IQGAP1: variants seen among roughly 807,000 people sequenced by gnomAD.
The protein encoded by IQGAP1 is IQ motif containing GTPase activating protein 1.
A neutral mutation model predicts 215.6 loss-of-function variants in IQGAP1; 66 were observed. The ratio of observed to expected loss-of-function variants is 0.31; its 90% CI spans 0.25 to 0.38. IQGAP1 has a LOEUF of 0.38. Among genes scored for constraint, IQGAP1 ranks in the 10% least tolerant of loss-of-function variants. The probability of loss-of-function intolerance (pLI) is 1.00; values close to 1 mark genes in which losing one functional copy is unlikely to be tolerated. For missense variants in IQGAP1, 1,712 were observed against 1,997.1 expected (o/e 0.86, Z 2.72); for synonymous variants, 772 against 728.7 (o/e 1.06, Z -0.96).
At chr15:90,476,911 G>A in intron 24 of IQGAP1, 93 bp downstream of exon 24, 1 of 1,413,668 alleles carries the variant, frequency 7.1e-7, no homozygotes, top group South Asian at 1.3e-5. Flanking sequence ...AAGTATTTTT[G>A]ACTTCCACTG....
chr15:90,474,245 G>T, intron 22 of IQGAP1, 112 bp downstream of exon 22: 1 of 995,420 alleles, frequency 1.0e-6, no homozygotes, highest in Non-Finnish European at 1.5e-6. Flanking sequence ...TGGGGGAGAG[G>T]GTGTGACCTG....
At chr15:90,437,027 A>G (rs569202694) in intron 5 of IQGAP1, among the ~76,000 whole-genome samples, 6 of 152,326 alleles carry the variant, frequency 3.9e-5, no homozygotes, top group African/African-American at 1.4e-4. Context: ...GTAATTCATA[A>G]AGAAAAGAGG....
intron 2 of IQGAP1, among the ~76,000 whole-genome samples, chr15:90,398,997 A>G (rs562529459): frequency 5.3e-4 from 62 of 117,380 alleles, no homozygotes; most frequent in Non-Finnish European, 9.4e-4. Context: ...AGAACCAGAC[A>G]TTGTCTCAAA....
At chr15:90,463,947 A>C (rs1965796081) in intron 15 of IQGAP1, among the ~76,000 whole-genome samples, 1 of 152,194 alleles carries the variant, frequency 6.6e-6, no homozygotes, top group Non-Finnish European at 1.5e-5. Context: ...CTAATAAAAC[A>C]GGAGGAAAGC....
chr15:90,428,235 G>C (rs1357300205), intron 3 of IQGAP1, among the ~76,000 whole-genome samples: 1 of 151,972 alleles, frequency 6.6e-6, no homozygotes, highest in Non-Finnish European at 1.5e-5. Context: ...ACTACACCAG[G>C]CTAATTTAAA....
chr15:90,468,431 T>A (rs1448651816), intron 18 of IQGAP1, among the ~76,000 whole-genome samples: 3 of 152,220 alleles, frequency 2.0e-5, no homozygotes. Flanking sequence ...GGGGATATAG[T>A]CATGAACCAA....
At chr15:90,482,547 G>A (rs1284730191) in intron 28 of IQGAP1, among the ~76,000 whole-genome samples, 1 of 152,124 alleles carries the variant, frequency 6.6e-6, no homozygotes, top group Non-Finnish European at 1.5e-5. Flanking sequence ...CTATCTTTTC[G>A]CTGTAGTATT....
At chr15:90,428,915 C>T (rs1012741178) in intron 3 of IQGAP1, among the ~76,000 whole-genome samples, 20 of 152,122 alleles carry the variant, frequency 1.3e-4, no homozygotes, top group African/African-American at 4.3e-4. Flanking sequence ...GCAGTGGTGC[C>T]GTCTTGGCTC....
intron 5 of IQGAP1, among the ~76,000 whole-genome samples, chr15:90,438,332 ATTAAT>A (rs1393673667): frequency 6.6e-6 from 1 of 152,224 alleles, no homozygotes; most frequent in African/African-American, 2.4e-5. Context: ...GCTTATGGAC[ATTAAT>A]TTATCCGTCC....
At position 90,423,278 on chromosome 15, in the gene IQGAP1, A is replaced by C. The variant is rs920722139; in HGVS notation, c.156-2832A>C. Among the ~76,000 whole-genome samples, 8 of 152,222 alleles carry C rather than the reference A, an allele frequency of 5.3e-5. No individual in the cohort carries two copies. In the South Asian group the frequency reaches 1.0e-3, roughly 20 times the overall value. Reference sequence around the variant, plus strand: ...TGACAGGGTTTCACTTTGTCACCCCAGTTAGAGTGCAGTGCCACCATCTCA... The same window carrying C: ...TGACAGGGTTTCACTTTGTCACCCCCGTTAGAGTGCAGTGCCACCATCTCA... On this transcript the variant is annotated intron_variant, in intron 2 of 37. Transcript: ENST00000268182.
At chr15:90,447,337 G>T (rs1423636391) in intron 9 of IQGAP1, among the ~76,000 whole-genome samples, 1 of 151,980 alleles carries the variant, frequency 6.6e-6, no homozygotes, top group Non-Finnish European at 1.5e-5. Flanking sequence ...CTTTTCTTCC[G>T]CCCTTTTTTT....
chr15:90,485,821 TCATAA>T (rs1343901465), intron 30 of IQGAP1, among the ~76,000 whole-genome samples: 1 of 151,980 alleles, frequency 6.6e-6, no homozygotes, highest in Non-Finnish European at 1.5e-5. Context: ...TCTTCTTATA[TCATAA>T]CATAAGTCAT....
chr15:90,395,828 A>T (rs1193280574), intron 2 of IQGAP1, among the ~76,000 whole-genome samples: 1 of 152,234 alleles, frequency 6.6e-6, no homozygotes, highest in Non-Finnish European at 1.5e-5. Context: ...AAGTACGATT[A>T]GTACTGGAAA....
chr15:90,414,317 T>C (rs1453786398), intron 2 of IQGAP1, among the ~76,000 whole-genome samples: 2 of 152,030 alleles, frequency 1.3e-5, no homozygotes, highest in Non-Finnish European at 2.9e-5. Context: ...AAACCTTGTC[T>C]CCATTATAAA....
intron 2 of IQGAP1, among the ~76,000 whole-genome samples, chr15:90,406,993 C>T (rs1225108066): frequency 6.6e-6 from 1 of 152,076 alleles, no homozygotes; most frequent in Non-Finnish European, 1.5e-5. Flanking sequence ...TCAGAGGCTT[C>T]CTGAAATTGG....
rs1471876206 is a variant in IQGAP1, at chr15:90,388,283, C to T, written c.-59C>T. 14 of 1,573,364 alleles carry T rather than the reference C, an allele frequency of 8.9e-6. No individual in the cohort carries two copies. The Admixed American group carries it at 2.0e-4, about 23-fold the overall frequency. On this transcript the variant is annotated 5_prime_UTR_variant, in exon 1 of 38. Transcript: ENST00000268182. ...CGCACTTGGCAGGAGCTGTAGCTACCGCCGTCCGCGCCTCCAAGGTTTCAC... is the reference window on the plus strand; with the variant it reads ...CGCACTTGGCAGGAGCTGTAGCTACTGCCGTCCGCGCCTCCAAGGTTTCAC...
intron 2 of IQGAP1, among the ~76,000 whole-genome samples, chr15:90,421,390 TG>T (rs893652200): frequency 1.5e-4 from 23 of 151,346 alleles, no homozygotes; most frequent in Non-Finnish European, 3.1e-4. Context: ...GCAGGAGAAT[TG>T]CTTGAACTTG....
chr15:90,426,159 G>A lies in IQGAP1; in HGVS notation c.205G>A (p.Glu69Lys). ...AGATCTGCCTCCCACCACAGAACTG[G>A]AGGAGGGGCTTAGGAATGGGGTCTA... ...GEDLPPTTEL[E>K]EGLRNGVYLA... The change falls in exon 3 of 38, where the codon GAG (glutamate) becomes AAG (lysine). Residue 69 changes from glutamate to lysine, a missense_variant. Coordinates refer to ENST00000268182, the MANE Select transcript of IQGAP1 (RefSeq NM_003870.4). 6.2e-7 allele frequency: 1 copy of A among 1,605,452 alleles called. No homozygotes were observed. The highest frequency in any genetic ancestry group is 8.5e-7 in the Non-Finnish European group (1 of 1,176,658).
At chr15:90,413,973 T>G (rs994083038) in intron 2 of IQGAP1, among the ~76,000 whole-genome samples, 1 of 152,232 alleles carries the variant, frequency 6.6e-6, no homozygotes, top group Non-Finnish European at 1.5e-5. Flanking sequence ...AACCTTGCTT[T>G]CTTTTGTTCT....
Sources: gnomAD v4.1 joint callset for allele counts (sites outside exome capture counted in the v4.1 genomes callset) on GRCh38, gnomAD v4.1.1 for gene constraint, MANE v1.5 for transcripts, NCBI Gene and HGNC (gene_info 2026-07-23, HGNC 2026-07-21) for gene names.